TCF7L2: variants seen among roughly 807,000 people sequenced by gnomAD.
TCF7L2 encodes the protein transcription factor 7 like 2.
TCF7L2 carries 23 observed loss-of-function variants against 77.9 expected under a neutral mutation model. The observed-to-expected ratio is 0.30, with a 90% CI of 0.21 to 0.42. The LOEUF (loss-of-function observed/expected upper bound fraction) is 0.42, where lower values mean the gene tolerates loss of function less well. TCF7L2 is among the 10% of genes least tolerant of loss of function. The probability of loss-of-function intolerance (pLI) is 1.00; values close to 1 mark genes in which losing one functional copy is unlikely to be tolerated. For synonymous variants in TCF7L2, 413 were observed against 340.2 expected (o/e 1.21, Z -2.36); for missense variants, 654 against 793.1 (o/e 0.82, Z 2.11).
At chr10:113,036,175 G>C (rs1001723128) in intron 4 of TCF7L2, among the ~76,000 whole-genome samples, 1 of 150,752 alleles carries the variant, frequency 6.6e-6, no homozygotes, top group South Asian at 2.1e-4. Flanking sequence ...TGCCCTTTAA[G>C]TTTTCTGCTT....
In TCF7L2 at chr10:112,950,962, G is replaced by A. The variant is rs762258376; in HGVS notation, c.189+17G>A. ...GATTCCGAGGTAGGAAAAGCCCCTC[G>A]GGCTGGTGGGGTTTTTTATCTGTTT... On this transcript the variant is annotated intron_variant, in intron 1 of 13. Coordinates refer to ENST00000627217, the MANE Select transcript of TCF7L2 (RefSeq NM_001146274.2). 6.3e-7 allele frequency: 1 copy of A among 1,598,912 alleles called. No homozygotes were observed. Among genetic ancestry groups the A allele is most frequent in the Non-Finnish European group, 8.5e-7 (1 of 1,175,502 alleles).
chr10:113,044,988 G>A (rs887157172), intron 5 of TCF7L2, among the ~76,000 whole-genome samples: 1 of 152,120 alleles, frequency 6.6e-6, no homozygotes, highest in African/African-American at 2.4e-5. Flanking sequence ...AAACAGCAGC[G>A]GAACTTGCTG....
At chr10:112,992,449 G>C (rs573768425) in intron 4 of TCF7L2, among the ~76,000 whole-genome samples, 2 of 152,302 alleles carry the variant, frequency 1.3e-5, no homozygotes, top group South Asian at 4.1e-4. Context: ...GGATTCCTGG[G>C]TTCGAGTTCC....
Position 113,151,259 on chromosome 10 carries a change from C to T in TCF7L2, c.1001+136C>T, listed in dbSNP as rs1379558293. On this transcript the variant is annotated intron_variant, in intron 9 of 13. Transcript: ENST00000627217. This position sits in a 1 kb window ranked among gnomAD's most constrained non-coding sequence, Gnocchi z 5.2. Reference sequence around the variant, plus strand: ...GCAGCCAATACCCAGCCTGTGTGGGCTCTTCACTCCCTTACAAAGAGAGAG... The same window carrying T: ...GCAGCCAATACCCAGCCTGTGTGGGTTCTTCACTCCCTTACAAAGAGAGAG... 1.1e-5 allele frequency: 13 copies of T among 1,145,698 alleles called. No individual in the cohort carries two copies. The South Asian group carries it at 1.9e-4, about 17-fold the overall frequency. 71.0% of individuals were successfully genotyped at this position (1,145,698 alleles called of 1,614,324 possible). A position where few individuals can be genotyped will look rare whatever the true frequency, so the allele number is the denominator to read the frequency against.
intron 12 of TCF7L2, 67 bp from the exon 14 acceptor site, chr10:113,159,853 C>G: frequency 2.8e-6 from 1 of 353,720 alleles, no homozygotes; most frequent in Non-Finnish European, 5.4e-6. Context: ...CCCTCTTTCT[C>G]TCTCTCTCTC....
At chr10:112,985,614 G>A (rs1326090260) in intron 4 of TCF7L2, among the ~76,000 whole-genome samples, 1 of 152,128 alleles carries the variant, frequency 6.6e-6, no homozygotes, top group African/African-American at 2.4e-5. Context: ...CTTATGTTCG[G>A]TAAACAGAGT....
At chr10:112,999,473 T>A (rs2044092049) in intron 4 of TCF7L2, among the ~76,000 whole-genome samples, 1 of 152,240 alleles carries the variant, frequency 6.6e-6, no homozygotes, top group Non-Finnish European at 1.5e-5. Flanking sequence ...TCTCAGAAGC[T>A]TGAGGCACTC....
intron 5 of TCF7L2, among the ~76,000 whole-genome samples, chr10:113,090,300 A>T (rs1200390419): frequency 1.3e-5 from 2 of 152,242 alleles, no homozygotes; most frequent in Non-Finnish European, 2.9e-5. Flanking sequence ...GTTAGCTTTT[A>T]AAAAAAGAAA....
chr10:113,018,500 T>A (rs957029963), intron 4 of TCF7L2, among the ~76,000 whole-genome samples: 15 of 139,078 alleles, frequency 1.1e-4, no homozygotes, highest in Non-Finnish European at 2.0e-4. Flanking sequence ...CAGATTGGAG[T>A]GCAGTGACGC....
chr10:113,085,571 G>C (rs2059751492), intron 5 of TCF7L2, among the ~76,000 whole-genome samples: 1 of 152,196 alleles, frequency 6.6e-6, no homozygotes, highest in Non-Finnish European at 1.5e-5. Context: ...GTTGTGGAGT[G>C]GGGCAGTAAG....
intron 5 of TCF7L2, among the ~76,000 whole-genome samples, chr10:113,049,073 C>G (rs2134483228): frequency 6.6e-6 from 1 of 152,178 alleles, no homozygotes; most frequent in East Asian, 1.9e-4. Context: ...ATTGCTATGT[C>G]CAGTTTACAC....
intron 5 of TCF7L2, among the ~76,000 whole-genome samples, chr10:113,068,140 G>A (rs992402836): frequency 3.9e-5 from 6 of 152,166 alleles, no homozygotes; most frequent in African/African-American, 1.4e-4. Context: ...GCAGTCCTAG[G>A]AGGCCATTGA....
intron 4 of TCF7L2, among the ~76,000 whole-genome samples, chr10:113,008,318 T>C (rs1186899024): frequency 6.6e-6 from 1 of 152,192 alleles, no homozygotes; most frequent in Non-Finnish European, 1.5e-5. Context: ...CTTGGACATC[T>C]TCCTGGTCAG....
chr10:113,008,235 C>T (rs188887480), intron 4 of TCF7L2, among the ~76,000 whole-genome samples: 1 of 152,264 alleles, frequency 6.6e-6, no homozygotes, highest in African/African-American at 2.4e-5. Flanking sequence ...ATTTGGCATA[C>T]GATTCAACTC....
At chr10:113,017,126 C>T (rs1414976998) in intron 4 of TCF7L2, among the ~76,000 whole-genome samples, 1 of 152,182 alleles carries the variant, frequency 6.6e-6, no homozygotes, top group Admixed American at 6.5e-5. Flanking sequence ...AAATCCTAGC[C>T]TGTCATGAAG....
chr10:113,054,565 T>A (rs909804584), intron 5 of TCF7L2, among the ~76,000 whole-genome samples: 1 of 152,274 alleles, frequency 6.6e-6, no homozygotes, highest in East Asian at 1.9e-4. Flanking sequence ...TAGCTTTTTT[T>A]AAAATTAAAA....
At chr10:113,109,448 G>A (rs921380996) in intron 5 of TCF7L2, among the ~76,000 whole-genome samples, 9 of 152,186 alleles carry the variant, frequency 5.9e-5, no homozygotes, top group African/African-American at 2.2e-4. Context: ...CTGGAGTGCA[G>A]TGGTGCAATC....
At chr10:113,096,817 T>C (rs1013179468) in intron 5 of TCF7L2, among the ~76,000 whole-genome samples, 2 of 152,056 alleles carry the variant, frequency 1.3e-5, no homozygotes, top group Non-Finnish European at 2.9e-5. Flanking sequence ...AGTTTCTGTT[T>C]TGGAAAAGCC....
Position 113,134,745 on chromosome 10 carries a change from C to G in TCF7L2, c.553-6439C>G, listed in dbSNP as rs149667646. ...TATAAACCAATTTTTAAATGTAAAC[C>G]TGGAGTGAATGGTGTCCCTTCCTGA... On this transcript the variant is annotated intron_variant, in intron 5 of 13. Transcript: ENST00000627217. Among the ~76,000 whole-genome samples, 96 of 152,280 alleles carry G rather than the reference C, an allele frequency of 6.3e-4. 1 individual carries two copies. In the East Asian group the frequency reaches 0.018, roughly 29 times the overall value.
Sources: gnomAD v4.1 joint callset for allele counts (sites outside exome capture counted in the v4.1 genomes callset) on GRCh38, gnomAD v4.1.1 for gene constraint, Gnocchi (gnomAD v3.1) non-coding constraint, MANE v1.5 for transcripts, NCBI Gene and HGNC (gene_info 2026-07-23, HGNC 2026-07-21) for gene names.